AGBL4: variants seen among roughly 807,000 people sequenced by gnomAD.
The protein encoded by AGBL4 is cytosolic carboxypeptidase 6.
Under a neutral mutation model 66.4 loss-of-function variants are expected in AGBL4, and 58 were observed. The ratio of observed to expected loss-of-function variants is 0.87; its 90% CI spans 0.71 to 1.09. The LOEUF (loss-of-function observed/expected upper bound fraction) is 1.09. Ranked by LOEUF, AGBL4 falls within the 50% of genes least tolerant of loss-of-function variation. The pLI, the probability that AGBL4 is intolerant of heterozygous loss-of-function variation, is 0.00. For synonymous variants in AGBL4, 234 were observed against 222.9 expected (o/e 1.05, Z -0.44); for missense variants, 579 against 631.0 (o/e 0.92, Z 0.88).
chr1:48,859,814 G>A (rs1232719878), intron 6 of AGBL4, among the ~76,000 whole-genome samples: 1 of 152,156 alleles, frequency 6.6e-6, no homozygotes, highest in Non-Finnish European at 1.5e-5. Flanking sequence ...TAAAGAAATA[G>A]TTAGAGATAT....
intron 2 of AGBL4, among the ~76,000 whole-genome samples, chr1:49,734,198 C>G (rs1015008480): frequency 4.7e-4 from 71 of 151,716 alleles, no homozygotes; most frequent in African/African-American, 1.7e-3. Context: ...TAATCTGCCC[C>G]CAAAGATCAG....
intron 5 of AGBL4, among the ~76,000 whole-genome samples, chr1:48,878,472 C>T (rs907451999): frequency 3.3e-5 from 5 of 152,268 alleles, no homozygotes; most frequent in South Asian, 2.1e-4. Flanking sequence ...TAACAAAACT[C>T]GCCTACGAGT....
At chr1:48,714,779 C>G (rs1387301303) in intron 6 of AGBL4, among the ~76,000 whole-genome samples, 1 of 152,224 alleles carries the variant, frequency 6.6e-6, no homozygotes, top group Non-Finnish European at 1.5e-5. Context: ...ACCACCTGTG[C>G]AGGTCCTCCA....
At chr1:48,896,622 C>T (rs984403401) in intron 5 of AGBL4, among the ~76,000 whole-genome samples, 4 of 152,142 alleles carry the variant, frequency 2.6e-5, no homozygotes, top group Non-Finnish European at 4.4e-5. Context: ...TGAGATTTCA[C>T]TCTTGGGCTT....
intron 2 of AGBL4, among the ~76,000 whole-genome samples, chr1:49,797,858 C>T (rs752048372): frequency 1.3e-5 from 2 of 152,090 alleles, no homozygotes; most frequent in South Asian, 4.2e-4. Context: ...CCGCCTCCCG[C>T]GTTCAAGCGA....
intron 1 of AGBL4, among the ~76,000 whole-genome samples, chr1:49,874,206 C>T (rs1252709175): frequency 6.6e-6 from 1 of 152,040 alleles, no homozygotes; most frequent in Non-Finnish European, 1.5e-5. Context: ...ACAAAATCAA[C>T]TTGAAATTGA....
At chr1:50,020,605 G>C (rs1486974924) in intron 1 of AGBL4, among the ~76,000 whole-genome samples, 1 of 152,130 alleles carries the variant, frequency 6.6e-6, no homozygotes, top group Non-Finnish European at 1.5e-5. Context: ...TCAGAACGTA[G>C]TATGTTGTAA....
Position 49,770,749 on chromosome 1 carries a change from T to C in AGBL4, c.158-73312A>G, listed in dbSNP as rs141476846. ...CATAATTTAAACGTGCTATGTTGTATGTATTCAGGAATTTATTCATTTCGT... is the reference window on the plus strand; with the variant it reads ...CATAATTTAAACGTGCTATGTTGTACGTATTCAGGAATTTATTCATTTCGT... On this transcript the variant is annotated intron_variant, in intron 2 of 13. Coordinates refer to ENST00000371839, the MANE Select transcript of AGBL4 (RefSeq NM_032785.4). Among the ~76,000 whole-genome samples the C allele has an allele frequency of 1.5e-3, 226 of 152,326 alleles. 4 individuals are homozygous for C. Among genetic ancestry groups the C allele is most frequent in the African/African-American group, 5.3e-3 (219 of 41,590 alleles).
At chr1:49,483,665 C>A (rs553777413) in intron 3 of AGBL4, among the ~76,000 whole-genome samples, 1 of 151,896 alleles carries the variant, frequency 6.6e-6, no homozygotes, top group East Asian at 1.9e-4. Flanking sequence ...CATTGAGGAA[C>A]CTCTCCAGGA....
At chr1:49,934,192 T>C (rs540272910) in intron 1 of AGBL4, among the ~76,000 whole-genome samples, 89 of 152,136 alleles carry the variant, frequency 5.9e-4, no homozygotes, top group Non-Finnish European at 9.0e-4. Flanking sequence ...AAAGGAGAAA[T>C]CAACAGCAAT....
At chr1:49,942,307 T>C (rs1166753315) in intron 1 of AGBL4, among the ~76,000 whole-genome samples, 3 of 152,022 alleles carry the variant, frequency 2.0e-5, no homozygotes, top group Non-Finnish European at 4.4e-5. Flanking sequence ...AAAATTACAA[T>C]GACATTTTTC....
chr1:49,175,277 T>C (rs1476026367), intron 4 of AGBL4, among the ~76,000 whole-genome samples: 1 of 152,058 alleles, frequency 6.6e-6, no homozygotes, highest in Non-Finnish European at 1.5e-5. Context: ...ATTGAAAGGA[T>C]ATTAGGATCA....
At chr1:48,534,938 T>G in intron 12 of AGBL4, 22 bp from the exon 13 acceptor site, 1 of 1,550,152 alleles carries the variant, frequency 6.5e-7, no homozygotes, top group African/African-American at 1.4e-5. Context: ...GAAAAATTCA[T>G]GTCCTTCCTG....
At chr1:49,215,093 T>C (rs532761343) in intron 4 of AGBL4, among the ~76,000 whole-genome samples, 102 of 152,042 alleles carry the variant, frequency 6.7e-4, no homozygotes, top group Middle Eastern at 3.4e-3. Context: ...AGATTCATGA[T>C]TTTTTTTGTC....
chr1:48,898,918 G>A (rs924284086), intron 5 of AGBL4, among the ~76,000 whole-genome samples: 1 of 152,078 alleles, frequency 6.6e-6, no homozygotes, highest in African/African-American at 2.4e-5. Context: ...CGTCAAAGGC[G>A]GCTCTAAGGT....
intron 7 of AGBL4, 148 bp from the exon 8 acceptor site, chr1:48,653,599 C>A (rs193118150): frequency 4.9e-6 from 3 of 614,112 alleles, no homozygotes; most frequent in Non-Finnish European, 8.7e-6. Context: ...TTATAGACTA[C>A]GCGTTATCTG....
At chr1:49,445,251 T>C (rs1646128213) in intron 3 of AGBL4, among the ~76,000 whole-genome samples, 1 of 152,124 alleles carries the variant, frequency 6.6e-6, no homozygotes, top group African/African-American at 2.4e-5. Context: ...GACTATGTGC[T>C]TTTCTCTTGC....
At chr1:49,655,674 G>A (rs1039611529) in intron 3 of AGBL4, among the ~76,000 whole-genome samples, 4 of 152,146 alleles carry the variant, frequency 2.6e-5, no homozygotes, top group Non-Finnish European at 5.9e-5. Flanking sequence ...ACATTCAACA[G>A]CTAGCAGAAG....
intron 5 of AGBL4, among the ~76,000 whole-genome samples, chr1:48,931,988 G>A (rs1455847008): frequency 1.3e-5 from 2 of 152,072 alleles, no homozygotes; most frequent in Non-Finnish European, 2.9e-5. Flanking sequence ...GTATGGGAGT[G>A]AGTCTCCAGA....
Sources: allele counts gnomAD v4.1 joint callset (sites outside exome capture counted in the v4.1 genomes callset), GRCh38; gene constraint gnomAD v4.1.1; transcripts MANE v1.5; gene names NCBI Gene and HGNC (gene_info 2026-07-23, HGNC 2026-07-21).